Variants in SPINK1 observed in about 807,000 individuals in gnomAD.
SPINK1 encodes the protein serine protease inhibitor Kazal-type 1.
Under a neutral mutation model 9.5 loss-of-function variants are expected in SPINK1, and 5 were observed. The ratio of observed to expected loss-of-function variants is 0.52; its 90% CI spans 0.27 to 1.10. The LOEUF (loss-of-function observed/expected upper bound fraction) is 1.10. Ranked by LOEUF, SPINK1 falls within the 50% of genes least tolerant of loss-of-function variation. The pLI is 0.11. For synonymous variants in SPINK1, 37 were observed against 32.3 expected (o/e 1.14, Z -0.49); for missense variants, 88 against 92.7 (o/e 0.95, Z 0.21).
the SPINK1 span, among the ~76,000 whole-genome samples, chr5:147,837,665 C>CTTTCTTTCTTTCTT: frequency 2.1e-4 from 27 of 130,676 alleles, no homozygotes; most frequent in Non-Finnish European, 3.7e-4. Context: ...TTCTTTCTTT[C>CTTTCTTTCTTTCTT]TTTCTTTCTT....
chr5:147,831,753 G>T (rs980221099), upstream of SPINK1: 1 of 1,456,330 alleles, frequency 6.9e-7, no homozygotes. Flanking sequence ...TGGCCTCCAG[G>T]TTCTGGGAAT....
rs1349020064 is a variant in SPINK1 at position 147,824,644 on chromosome 5, T to C, written c.*17A>G. 3.2e-5 allele frequency: 51 copies of C among 1,613,758 alleles called. No homozygotes were observed. Among genetic ancestry groups the C allele is most frequent in the Non-Finnish European group, 4.2e-5 (49 of 1,179,856 alleles). ...CAGGCCTCGCGGTGACCTGATGGGA[T>C]TTCAAAACCTTGGTTCTCAGCAAGG... is the stretch of plus-strand genomic sequence containing the variant. On this transcript the variant is annotated 3_prime_UTR_variant, in exon 4 of 4. Coordinates refer to ENST00000296695, the MANE Select transcript of SPINK1 (RefSeq NM_001379610.1).
upstream of SPINK1, among the ~76,000 whole-genome samples, chr5:147,836,244 T>C (rs1205316295): frequency 6.6e-6 from 1 of 152,034 alleles, no homozygotes; most frequent in East Asian, 1.9e-4. Context: ...AGCACAGAGA[T>C]TTCAGTTTTC....
upstream of SPINK1, among the ~76,000 whole-genome samples, chr5:147,834,170 G>A (rs1756556297): frequency 6.6e-6 from 1 of 152,072 alleles, no homozygotes; most frequent in African/African-American, 2.4e-5. Context: ...AGTAAATACA[G>A]TTGCTTTATT....
chr5:147,837,687 T>TTCTC, the SPINK1 span, among the ~76,000 whole-genome samples: 1 of 147,984 alleles, frequency 6.8e-6, no homozygotes, highest in Non-Finnish European at 1.5e-5. Context: ...CTTTCTTTCT[T>TTCTC]TCTTTCTTTC....
intron 3 of SPINK1, 63 bp from the exon 4 acceptor site, chr5:147,824,769 G>T: frequency 6.9e-7 from 1 of 1,450,304 alleles, no homozygotes; most frequent in South Asian, 1.2e-5. Context: ...GTGACTATGG[G>T]AGAAAAACAG....
rs567520546 is a variant in SPINK1, at chr5:147,826,864, A to G, written c.194+1158T>C. Among the ~76,000 whole-genome samples, 7 of 152,274 alleles carry G rather than the reference A, an allele frequency of 4.6e-5. No homozygotes were observed. In the South Asian group the frequency reaches 1.5e-3, roughly 32 times the overall value. On this transcript the variant is annotated intron_variant, in intron 3 of 3. Transcript: ENST00000296695. ...CCCAAGAAGAAGGTTTGCATTACAG[A>G]AAAGGGAATTTATGCAGTAGAATAT...
chr5:147,826,669 G>T (rs989930716), intron 3 of SPINK1, among the ~76,000 whole-genome samples: 1 of 152,138 alleles, frequency 6.6e-6, no homozygotes, highest in African/African-American at 2.4e-5. Context: ...AAACTAACAG[G>T]TGGCTTCAAA....
chr5:147,830,604 G>T (rs1356607582), intron 1 of SPINK1, among the ~76,000 whole-genome samples: 1 of 152,082 alleles, frequency 6.6e-6, no homozygotes. Context: ...TGAAGAGCAG[G>T]TGCTCATCAC....
intron 2 of SPINK1, among the ~76,000 whole-genome samples, 177 bp downstream of exon 2, chr5:147,829,422 C>T (rs1360503175): frequency 6.6e-6 from 1 of 152,180 alleles, no homozygotes. Flanking sequence ...AATTGTCCTT[C>T]AATATACGCC....
In SPINK1 at chr5:147,824,657, G is replaced by A; in HGVS notation, c.*4C>T. On this transcript the variant is annotated 3_prime_UTR_variant, in exon 4 of 4. Transcript: ENST00000296695. ...GACCTGATGGGATTTCAAAACCTTGGTTCTCAGCAAGGCCCAGATTTTTGA... is the reference window on the plus strand; with the variant it reads ...GACCTGATGGGATTTCAAAACCTTGATTCTCAGCAAGGCCCAGATTTTTGA... 1 of 1,613,994 alleles carries A rather than the reference G, an allele frequency of 6.2e-7. No individual in the cohort carries two copies.
intron 3 of SPINK1, 198 bp downstream of exon 3, chr5:147,827,824 T>C (rs1756436073): frequency 6.2e-6 from 3 of 482,122 alleles, no homozygotes; most frequent in Non-Finnish European, 1.1e-5. Context: ...GTAAAAAATA[T>C]AGGCTTTTAT....
At chr5:147,835,012 A>G (rs1756573174), upstream of SPINK1, among the ~76,000 whole-genome samples, 1 of 152,076 alleles carries the variant, frequency 6.6e-6, no homozygotes, top group African/African-American at 2.4e-5. Context: ...TATGGACCCT[A>G]GACAATCTTG....
Position 147,824,638 on chromosome 5 carries a change from A to G in SPINK1, c.*23T>C. ...GCCAGTCAGGCCTCGCGGTGACCTG[A>G]TGGGATTTCAAAACCTTGGTTCTCA... On this transcript the variant is annotated 3_prime_UTR_variant, in exon 4 of 4. Transcript: ENST00000296695. 1 of 1,613,496 alleles carries G rather than the reference A, an allele frequency of 6.2e-7. No individual in the cohort carries two copies. Among genetic ancestry groups the G allele is most frequent in the Non-Finnish European group, 8.5e-7 (1 of 1,179,518 alleles).
At chr5:147,829,705 GCTTT>G in intron 1 of SPINK1, 75 bp from the exon 2 acceptor site, 1 of 1,349,430 alleles carries the variant, frequency 7.4e-7, no homozygotes, top group Non-Finnish European at 1.1e-6. Context: ...AGAATTCTCT[GCTTT>G]CATTGCAGAC....
the SPINK1 span, among the ~76,000 whole-genome samples, chr5:147,837,276 C>A: frequency 6.6e-6 from 1 of 152,294 alleles, no homozygotes; most frequent in Non-Finnish European, 1.5e-5. Context: ...TAAATCATCT[C>A]TTGACAGATT....
chr5:147,837,678 T>TTTC, the SPINK1 span, among the ~76,000 whole-genome samples: 5 of 145,388 alleles, frequency 3.4e-5, no homozygotes, highest in Admixed American at 7.0e-5. Flanking sequence ...TCTTTCTTTC[T>TTTC]TTCTTTCTTT....
At chr5:147,826,416 T>A (rs891480239) in intron 3 of SPINK1, among the ~76,000 whole-genome samples, 23 of 152,340 alleles carry the variant, frequency 1.5e-4, no homozygotes, top group Admixed American at 5.9e-4. Context: ...AGCATACAAA[T>A]GTGCCTCCCA....
At chr5:147,830,894 G>A (rs913172236) in intron 1 of SPINK1, among the ~76,000 whole-genome samples, 1 of 151,980 alleles carries the variant, frequency 6.6e-6, no homozygotes, top group Non-Finnish European at 1.5e-5. Context: ...ATCTATTCAA[G>A]CAGAATATTT....
Sources: allele counts gnomAD v4.1 joint callset (sites outside exome capture counted in the v4.1 genomes callset), GRCh38; gene constraint gnomAD v4.1.1; transcripts MANE v1.5; gene names NCBI Gene and HGNC (gene_info 2026-07-23, HGNC 2026-07-21).